EYS: variants seen among roughly 807,000 people sequenced by gnomAD.
The protein encoded by EYS is EGF-like photoreceptor maintenance factor.
Under a neutral mutation model 282.1 loss-of-function variants are expected in EYS, and 250 were observed. That is an observed-to-expected ratio of 0.89 (90% confidence interval 0.80 to 0.98). The LOEUF (loss-of-function observed/expected upper bound fraction) is 0.98. EYS is among the 50% of genes least tolerant of loss of function. EYS has a pLI of 0.00. For synonymous variants in EYS, 1,355 were observed against 1,282.9 expected (o/e 1.06, Z -1.20); for missense variants, 4,016 against 3,709.0 (o/e 1.08, Z -2.15).
chr6:64,177,331 A>AAT (rs1764667059), intron 31 of EYS, among the ~76,000 whole-genome samples: 4 of 127,750 alleles, frequency 3.1e-5, no homozygotes, highest in Admixed American at 8.0e-5. Context: ...AATTTCACAC[A>AAT]CTGTATATAT....
Position 63,984,569 on chromosome 6 carries a change from G to T in EYS, c.6869C>A (p.Pro2290His). Residue 2290 changes from proline to histidine, a missense_variant, in exon 35 of 43, where the codon CCT (proline) becomes CAT (histidine). Physicochemically the swap from Pro to His is moderately conservative, Grantham distance 77 (BLOSUM62 -2). Coordinates refer to ENST00000503581, the MANE Select transcript of EYS (RefSeq NM_001142800.2). ...YFESMFLGHIPANVQIHKKAG... is the reference protein window; with the variant it reads ...YFESMFLGHIHANVQIHKKAG... Reference sequence around the variant, plus strand: ...TTTCTTATGAATTTGAACATTTGCAGGAATATGGCCAAGGAACATTGATTC... The same window carrying T: ...TTTCTTATGAATTTGAACATTTGCATGAATATGGCCAAGGAACATTGATTC... 1 of 1,549,388 alleles carries T rather than the reference G, an allele frequency of 6.5e-7. No homozygotes were observed. The highest frequency in any genetic ancestry group is 8.7e-7 in the Non-Finnish European group (1 of 1,145,438).
intron 22 of EYS, among the ~76,000 whole-genome samples, chr6:64,764,123 C>T (rs1237389128): frequency 2.6e-5 from 4 of 152,198 alleles, no homozygotes; most frequent in African/African-American, 9.7e-5. Flanking sequence ...GCCCTGTTCT[C>T]ACAGCTCCAC....
chr6:65,613,334 T>C (rs1312526566), intron 2 of EYS, among the ~76,000 whole-genome samples: 1 of 151,872 alleles, frequency 6.6e-6, no homozygotes. Context: ...GTGAGAGACC[T>C]AGTTGAATCC....
At chr6:64,864,437 G>A (rs1314162684) in intron 19 of EYS, among the ~76,000 whole-genome samples, 1 of 111,556 alleles carries the variant, frequency 9.0e-6, no homozygotes, top group African/African-American at 3.3e-5. Flanking sequence ...CCAGGCTGGA[G>A]TGCAGTGGTG....
chr6:64,821,662 A>G lies in EYS; in HGVS notation c.3226T>C (p.Cys1076Arg), dbSNP rs780935714. The G allele has an allele frequency of 1.5e-5, 22 of 1,497,220 alleles. No individual in the cohort carries two copies. The South Asian group carries it at 2.6e-4, about 17-fold the overall frequency. 92.7% of individuals were successfully genotyped at this position (1,497,220 alleles called of 1,614,324 possible). A position where few individuals can be genotyped will look rare whatever the true frequency, so the allele number is the denominator to read the frequency against. The change falls in exon 21 of 43, where the codon TGT (cysteine) becomes CGT (arginine). Residue 1076 changes from cysteine (C) to arginine (R), a missense_variant. By Grantham distance (180) the Cys-to-Arg change is radical. Transcript: ENST00000503581. ...AGACTTACATTAATTTTGATCTTACATTGTGTGCTAGTCCCATCTGCATCA... is the reference window on the plus strand; with the variant it reads ...AGACTTACATTAATTTTGATCTTACGTTGTGTGCTAGTCCCATCTGCATCA... ...SCDADGTSTQ[C>R]KIKINDCTSI... is the part of the protein sequence containing the mutation.
intron 35 of EYS, among the ~76,000 whole-genome samples, chr6:63,895,117 T>C (rs1773503633): frequency 6.8e-6 from 1 of 148,072 alleles, no homozygotes; most frequent in South Asian, 2.3e-4. Context: ...CTCACTGTCT[T>C]GCCTTTCATT....
chr6:63,919,797 C>A (rs758580457), intron 35 of EYS, among the ~76,000 whole-genome samples: 26 of 152,334 alleles, frequency 1.7e-4, no homozygotes, highest in Admixed American at 3.3e-4. Flanking sequence ...GCTTTTAGAT[C>A]CAGCAGTATG....
rs1346976639 is a variant in EYS at position 63,806,437 on chromosome 6, ACGTTTTGCT to A, written c.7229-74_7229-66del. 5 of 1,378,768 alleles carry A rather than the reference ACGTTTTGCT, an allele frequency of 3.6e-6. No homozygotes were observed. In the East Asian group the frequency reaches 1.3e-4, roughly 35 times the overall value. 85.4% of individuals were successfully genotyped at this position (1,378,768 alleles called of 1,614,324 possible). A position where few individuals can be genotyped will look rare whatever the true frequency, so the allele number is the denominator to read the frequency against. ...TACATGTATTTGTAAAGTGAGGGTT[ACGTTTTGCT>A]GATGCATCTGGCCAGATAGTCTGTT... On this transcript the variant is annotated intron_variant, in intron 36 of 42. Transcript: ENST00000503581.
chr6:64,195,010 C>G (rs947317251), intron 31 of EYS, among the ~76,000 whole-genome samples: 1 of 151,828 alleles, frequency 6.6e-6, no homozygotes, highest in African/African-American at 2.4e-5. Flanking sequence ...TCCTATTATT[C>G]TATTATTTTT....
chr6:63,754,658 G>T (rs1769431179), intron 41 of EYS, among the ~76,000 whole-genome samples: 1 of 152,170 alleles, frequency 6.6e-6, no homozygotes, highest in Non-Finnish European at 1.5e-5. Flanking sequence ...ACATACGTGT[G>T]CATGTGTCTT....
At chr6:65,380,057 T>C (rs978335776) in intron 8 of EYS, among the ~76,000 whole-genome samples, 2 of 152,080 alleles carry the variant, frequency 1.3e-5, no homozygotes, top group African/African-American at 2.4e-5. Context: ...AAGAAATTTA[T>C]AGATTCAATG....
chr6:64,072,867 C>T (rs1358759107), intron 32 of EYS, among the ~76,000 whole-genome samples: 1 of 151,804 alleles, frequency 6.6e-6, no homozygotes, highest in Non-Finnish European at 1.5e-5. Flanking sequence ...AACAGAACAG[C>T]TGAGCATTTA....
chr6:65,141,495 TA>T (rs60195047), intron 12 of EYS, among the ~76,000 whole-genome samples: 23,470 of 147,714 alleles, frequency 0.16, 3,210 homozygotes, highest in African/African-American at 0.38. Context: ...AGTATAATAA[TA>T]AAAAAAAAAC....
chr6:65,569,621 C>G (rs1764408667), intron 2 of EYS, among the ~76,000 whole-genome samples: 1 of 152,114 alleles, frequency 6.6e-6, no homozygotes, highest in Non-Finnish European at 1.5e-5. Flanking sequence ...TCTTCAGACT[C>G]TGCACTCAGT....
intron 31 of EYS, among the ~76,000 whole-genome samples, chr6:64,101,510 AAAAC>A (rs1020302680): frequency 9.1e-4 from 139 of 152,260 alleles, no homozygotes; most frequent in African/African-American, 3.3e-3. Context: ...TTTGAGAACA[AAAAC>A]AAAAATAGAA....
intron 11 of EYS, among the ~76,000 whole-genome samples, chr6:65,319,389 A>T (rs374007533): frequency 5.3e-5 from 8 of 150,228 alleles, no homozygotes; most frequent in Non-Finnish European, 8.9e-5. Context: ...CAAAAAAAAT[A>T]ATATATATAT....
chr6:65,196,928 G>A (rs1232566564), intron 12 of EYS, among the ~76,000 whole-genome samples: 1 of 152,066 alleles, frequency 6.6e-6, no homozygotes, highest in African/African-American at 2.4e-5. Flanking sequence ...CAACAAGAGT[G>A]GCTGCAATGG....
intron 26 of EYS, among the ~76,000 whole-genome samples, chr6:64,588,122 C>A (rs1206334450): frequency 1.3e-5 from 2 of 151,856 alleles, no homozygotes; most frequent in East Asian, 3.9e-4. Context: ...CATATTCATG[C>A]TAAGAAAGAT....
intron 41 of EYS, among the ~76,000 whole-genome samples, chr6:63,743,906 T>C (rs1251099782): frequency 6.6e-6 from 1 of 152,102 alleles, no homozygotes; most frequent in Non-Finnish European, 1.5e-5. Flanking sequence ...ATGGGTGAGG[T>C]CCCTGACAGG....
Sources: gnomAD v4.1 joint callset for allele counts (sites outside exome capture counted in the v4.1 genomes callset) on GRCh38, gnomAD v4.1.1 for gene constraint, MANE v1.5 for transcripts, NCBI Gene and HGNC (gene_info 2026-07-23, HGNC 2026-07-21) for gene names.